Variants in DLGAP4 observed in about 807,000 individuals in gnomAD.
DLGAP4 encodes disks large-associated protein 4.
In DLGAP4, 18 loss-of-function variants were observed where a neutral mutation model predicts 86.9. The ratio of observed to expected loss-of-function variants is 0.21; its 90% CI spans 0.14 to 0.31. The LOEUF is 0.31. Ranked by LOEUF, DLGAP4 falls within the 10% of genes least tolerant of loss-of-function variation. DLGAP4 has a pLI of 1.00. For missense variants in DLGAP4, 1,085 were observed against 1,362.6 expected (o/e 0.80, Z 3.21); for synonymous variants, 548 against 574.3 (o/e 0.95, Z 0.65).
chr20:36,466,139 A>G (rs921247663), intron 7 of DLGAP4, among the ~76,000 whole-genome samples: 3 of 152,150 alleles, frequency 2.0e-5, no homozygotes, highest in Non-Finnish European at 4.4e-5. Flanking sequence ...AGGTTTTTAA[A>G]CCAGCTCTCT....
intron 7 of DLGAP4, among the ~76,000 whole-genome samples, chr20:36,480,857 T>C (rs1466959356): frequency 6.6e-6 from 1 of 152,052 alleles, no homozygotes; most frequent in Non-Finnish European, 1.5e-5. Flanking sequence ...ACTAAAAAAA[T>C]TAGCCAGGCA....
chr20:36,341,982 G>T (rs186517817), intron 1 of DLGAP4, among the ~76,000 whole-genome samples: 1 of 152,224 alleles, frequency 6.6e-6, no homozygotes, highest in South Asian at 2.1e-4. Context: ...ATTGAAGAGT[G>T]GGAACAGCAG....
intron 1 of DLGAP4, among the ~76,000 whole-genome samples, chr20:36,313,513 G>T (rs911517623): frequency 6.6e-6 from 1 of 151,350 alleles, no homozygotes; most frequent in South Asian, 2.1e-4. Context: ...AGATTCTGGG[G>T]CTGACCAGGC....
chr20:36,322,246 T>C (rs2065175642), intron 1 of DLGAP4, among the ~76,000 whole-genome samples: 1 of 151,388 alleles, frequency 6.6e-6, no homozygotes, highest in Admixed American at 6.6e-5. Flanking sequence ...GTGAGGAAGG[T>C]GGGGTTTTCA....
intron 1 of DLGAP4, among the ~76,000 whole-genome samples, chr20:36,351,539 GC>G (rs2030154654): frequency 6.6e-6 from 1 of 151,654 alleles, no homozygotes; most frequent in South Asian, 2.1e-4. Context: ...TAAGCTCAGG[GC>G]TCCAACTGAT....
chr20:36,451,805 G>A, intron 7 of DLGAP4, among the ~76,000 whole-genome samples: 1 of 149,064 alleles, frequency 6.7e-6, no homozygotes, highest in Non-Finnish European at 1.5e-5. Flanking sequence ...TTGTTGCCCA[G>A]GCTGGAGTGC....
At chr20:36,447,353 C>T (rs759079270) in intron 7 of DLGAP4, among the ~76,000 whole-genome samples, 2 of 152,304 alleles carry the variant, frequency 1.3e-5, no homozygotes, top group Admixed American at 1.3e-4. Context: ...CTGCACTGAG[C>T]CTTCTCAAAG....
At chr20:36,517,369 C>T (rs984173839) in intron 10 of DLGAP4, among the ~76,000 whole-genome samples, 1 of 152,108 alleles carries the variant, frequency 6.6e-6, no homozygotes, top group South Asian at 2.1e-4. Flanking sequence ...CAGAGCAAAG[C>T]GATTCTCCTG....
intron 1 of DLGAP4, among the ~76,000 whole-genome samples, chr20:36,342,048 G>C (rs782230938): frequency 6.6e-6 from 1 of 152,206 alleles, no homozygotes; most frequent in Non-Finnish European, 1.5e-5. Context: ...AGGAACCCCT[G>C]GTGGCCGGAG....
At chr20:36,499,702 CT>C (rs1443156041) in intron 9 of DLGAP4, 26 bp downstream of exon 9, 3 of 1,585,506 alleles carry the variant, frequency 1.9e-6, no homozygotes, top group Non-Finnish European at 2.6e-6. Flanking sequence ...GTGGCGGCTG[CT>C]TCTCCCCTCT....
At chr20:36,364,666 G>A (rs1555894496) in intron 1 of DLGAP4, among the ~76,000 whole-genome samples, 1 of 152,158 alleles carries the variant, frequency 6.6e-6, no homozygotes, top group Non-Finnish European at 1.5e-5. Context: ...CATGCCATGT[G>A]CTGTCTTCTG....
chr20:36,444,439 A>G (rs984365865), intron 6 of DLGAP4, among the ~76,000 whole-genome samples: 1 of 151,908 alleles, frequency 6.6e-6, no homozygotes, highest in African/African-American at 2.4e-5. Context: ...ACGCACCACC[A>G]TGCCTGGCTA....
At chr20:36,427,244 C>T (rs186710588) in intron 2 of DLGAP4, among the ~76,000 whole-genome samples, 33 of 151,998 alleles carry the variant, frequency 2.2e-4, no homozygotes, top group Admixed American at 1.1e-3. Flanking sequence ...TTTGGGAGGC[C>T]GAGGCAGGCG....
chr20:36,467,017 C>CTCTCT (rs772132079), intron 7 of DLGAP4, among the ~76,000 whole-genome samples: 1 of 50,346 alleles, frequency 2.0e-5, no homozygotes, highest in Non-Finnish European at 3.2e-5. Context: ...CTCTCTCTCT[C>CTCTCT]CTCTCTCTCT....
intron 1 of DLGAP4, among the ~76,000 whole-genome samples, chr20:36,341,160 G>A (rs978726642): frequency 6.6e-6 from 1 of 152,186 alleles, no homozygotes; most frequent in Non-Finnish European, 1.5e-5. Context: ...CCTTTACCAG[G>A]CTGCTCCCCA....
intron 6 of DLGAP4, 100 bp from the exon 7 acceptor site, chr20:36,446,597 C>CA: frequency 4.3e-6 from 5 of 1,172,544 alleles, no homozygotes; most frequent in Non-Finnish European, 6.0e-6. Context: ...GGTCAGACCC[C>CA]ACAGACTGTC....
rs377683609 is a variant in DLGAP4, at chr20:36,411,215, C to T, written c.-72-20431C>T. Among the ~76,000 whole-genome samples, 292 of 152,284 alleles carry T rather than the reference C, an allele frequency of 1.9e-3. 1 individual carries two copies. The highest frequency in any genetic ancestry group is 6.7e-3 in the African/African-American group (279 of 41,552). On this transcript the variant is annotated intron_variant, in intron 2 of 12. Coordinates refer to ENST00000339266, the MANE Select transcript of DLGAP4 (RefSeq NM_001365621.2). ...ATGTTGGCCAGGCTGGTCTCAAACT[C>T]GTGACCTCAGGTGATCCGCCCACCT...
At chr20:36,342,398 CT>C (rs1337016984) in intron 1 of DLGAP4, among the ~76,000 whole-genome samples, 2 of 152,136 alleles carry the variant, frequency 1.3e-5, no homozygotes, top group African/African-American at 4.8e-5. Flanking sequence ...GGGTAAGGGC[CT>C]ATCAGGGAAA....
At chr20:36,385,329 A>G (rs1222462896) in intron 2 of DLGAP4, among the ~76,000 whole-genome samples, 2 of 152,184 alleles carry the variant, frequency 1.3e-5, no homozygotes, top group African/African-American at 4.8e-5. Flanking sequence ...TTAGCGGAAG[A>G]GCACGGTAAT....
Sources: gnomAD v4.1 joint callset for allele counts (sites outside exome capture counted in the v4.1 genomes callset) on GRCh38, gnomAD v4.1.1 for gene constraint, MANE v1.5 for transcripts, NCBI Gene and HGNC (gene_info 2026-07-23, HGNC 2026-07-21) for gene names.